The following ATXN1 variants were observed in gnomAD, a reference collection of about 807,000 sequenced individuals.
ATXN1 encodes the protein ataxin 1.
A neutral mutation model predicts 56.4 loss-of-function variants in ATXN1; 8 were observed. The observed-to-expected ratio is 0.14, with a 90% CI of 0.08 to 0.26. ATXN1 has a LOEUF of 0.26. ATXN1 is among the 10% of genes least tolerant of loss of function. ATXN1 has a pLI of 1.00. For synonymous variants in ATXN1, 514 were observed against 494.6 expected (o/e 1.04, Z -0.52); for missense variants, 987 against 1,106.5 (o/e 0.89, Z 1.53).
chr6:16,630,114 T>C (rs568496980), intron 3 of ATXN1, among the ~76,000 whole-genome samples: 1 of 152,224 alleles, frequency 6.6e-6, no homozygotes, highest in East Asian at 1.9e-4. Context: ...ATCACAAAGC[T>C]AGAATGGGTC....
chr6:16,711,542 A>G (rs1408187110), intron 2 of ATXN1, among the ~76,000 whole-genome samples: 2 of 151,712 alleles, frequency 1.3e-5, no homozygotes, highest in Non-Finnish European at 2.9e-5. Context: ...ATATACACAT[A>G]TATATACACA....
chr6:16,456,569 G>A (rs1759879336), intron 6 of ATXN1, among the ~76,000 whole-genome samples: 1 of 152,140 alleles, frequency 6.6e-6, no homozygotes, highest in African/African-American at 2.4e-5. Context: ...TCAACAAAAA[G>A]TTGGTTGGCC....
intron 3 of ATXN1, among the ~76,000 whole-genome samples, chr6:16,619,277 G>A (rs1763275674): frequency 6.6e-6 from 1 of 152,024 alleles, no homozygotes; most frequent in South Asian, 2.1e-4. Flanking sequence ...ACCAGCTCTA[G>A]TTCTGGAAAT....
At chr6:16,555,342 G>A (rs984947276) in intron 4 of ATXN1, among the ~76,000 whole-genome samples, 6 of 152,260 alleles carry the variant, frequency 3.9e-5, no homozygotes, top group African/African-American at 9.6e-5. Flanking sequence ...GCCGTGAACT[G>A]TAGGCATTAC....
intron 6 of ATXN1, among the ~76,000 whole-genome samples, chr6:16,382,211 AATG>A (rs1392221707): frequency 6.6e-6 from 1 of 151,878 alleles, no homozygotes; most frequent in East Asian, 1.9e-4. Flanking sequence ...CAGGCAGGAG[AATG>A]GTGTGAACCT....
intron 7 of ATXN1, among the ~76,000 whole-genome samples, chr6:16,317,483 C>A (rs111298421): frequency 0.022 from 3,372 of 152,136 alleles, 117 homozygotes; most frequent in African/African-American, 0.074. Context: ...TGCCACCACA[C>A]CAGGCTAATT....
At chr6:16,591,573 C>T (rs1236465876) in intron 3 of ATXN1, among the ~76,000 whole-genome samples, 2 of 152,164 alleles carry the variant, frequency 1.3e-5, no homozygotes, top group African/African-American at 2.4e-5. Flanking sequence ...TCAAGCATTG[C>T]TCTTCCTTTA....
chr6:16,694,666 A>G (rs988049193), intron 2 of ATXN1, among the ~76,000 whole-genome samples: 5 of 152,220 alleles, frequency 3.3e-5, no homozygotes, highest in African/African-American at 1.2e-4. Context: ...ACTACATTTC[A>G]GAGCTGAGAG....
At chr6:16,348,068 G>A (rs1313479235) in intron 6 of ATXN1, among the ~76,000 whole-genome samples, 2 of 152,130 alleles carry the variant, frequency 1.3e-5, no homozygotes, top group Admixed American at 1.3e-4. Flanking sequence ...CACCGCAAGG[G>A]TCCACGGCTT....
chr6:16,572,493 G>A (rs1762350410), intron 4 of ATXN1, among the ~76,000 whole-genome samples: 1 of 152,136 alleles, frequency 6.6e-6, no homozygotes, highest in Admixed American at 6.6e-5. Flanking sequence ...GACTCTGTGA[G>A]GGCTAACAGG....
At chr6:16,359,939 G>C (rs551557971) in intron 6 of ATXN1, among the ~76,000 whole-genome samples, 191 of 152,126 alleles carry the variant, frequency 1.3e-3, no homozygotes, top group African/African-American at 4.5e-3. Flanking sequence ...GGGGGTGAGG[G>C]ATAAATGACT....
At chr6:16,332,148 A>T (rs1185762632) in intron 6 of ATXN1, among the ~76,000 whole-genome samples, 1 of 152,196 alleles carries the variant, frequency 6.6e-6, no homozygotes, top group Non-Finnish European at 1.5e-5. Flanking sequence ...ATTTAGGGCT[A>T]TTTACCAGTG....
intron 4 of ATXN1, among the ~76,000 whole-genome samples, chr6:16,566,891 T>C (rs1762240693): frequency 8.5e-6 from 1 of 117,628 alleles, no homozygotes; most frequent in African/African-American, 2.8e-5. Flanking sequence ...ACAAAAACAT[T>C]TTGTAGAGGT....
intron 6 of ATXN1, among the ~76,000 whole-genome samples, chr6:16,355,392 G>A (rs1272613840): frequency 1.3e-5 from 2 of 152,180 alleles, no homozygotes; most frequent in East Asian, 1.9e-4. Context: ...AGTGACAGGT[G>A]ACTCATCTGC....
At chr6:16,439,742 T>C (rs977179175) in intron 6 of ATXN1, among the ~76,000 whole-genome samples, 4 of 152,178 alleles carry the variant, frequency 2.6e-5, no homozygotes, top group African/African-American at 4.8e-5. Context: ...TCCAGAGGCA[T>C]AGTATTTAGC....
At chr6:16,480,996 G>C (rs977653773) in intron 6 of ATXN1, among the ~76,000 whole-genome samples, 1 of 152,094 alleles carries the variant, frequency 6.6e-6, no homozygotes, top group African/African-American at 2.4e-5. Flanking sequence ...AACACACCAG[G>C]GGCAATGGCC....
chr6:16,389,488 A>G (rs1253165959), intron 6 of ATXN1, among the ~76,000 whole-genome samples: 2 of 152,180 alleles, frequency 1.3e-5, no homozygotes, highest in African/African-American at 4.8e-5. Context: ...ATTTCATTTG[A>G]CTTCCTTTTG....
At chr6:16,666,009 T>A (rs1758417130) in intron 2 of ATXN1, among the ~76,000 whole-genome samples, 1 of 152,216 alleles carries the variant, frequency 6.6e-6, no homozygotes, top group Non-Finnish European at 1.5e-5. Context: ...ATTCCTCTAG[T>A]TATTTTGAAA....
chr6:16,643,705 G>A (rs773291921), intron 3 of ATXN1, among the ~76,000 whole-genome samples: 3 of 151,270 alleles, frequency 2.0e-5, no homozygotes, highest in Non-Finnish European at 2.9e-5. Flanking sequence ...AGAAGAATTC[G>A]GGCCAAATAG....
Sources: gnomAD v4.1 joint callset for allele counts (sites outside exome capture counted in the v4.1 genomes callset) on GRCh38, gnomAD v4.1.1 for gene constraint, MANE v1.5 for transcripts, NCBI Gene and HGNC (gene_info 2026-07-23, HGNC 2026-07-21) for gene names.